CXCL13: variants seen among roughly 807,000 people sequenced by gnomAD.
CXCL13 encodes C-X-C motif chemokine 13.
In CXCL13, 7 loss-of-function variants were observed where a neutral mutation model predicts 12.2. The ratio of observed to expected loss-of-function variants is 0.57; its 90% confidence interval spans 0.33 to 1.07. CXCL13 has a LOEUF of 1.07. Among genes scored for constraint, CXCL13 ranks in the 50% least tolerant of loss-of-function variants. The pLI is 0.04. For missense variants in CXCL13, 113 were observed against 127.4 expected (o/e 0.89, Z 0.55); for synonymous variants, 47 against 42.4 (o/e 1.11, Z -0.42).
chr4:77,521,693 G>A (rs776522865), intron 1 of CXCL13, among the ~76,000 whole-genome samples: 1 of 151,472 alleles, frequency 6.6e-6, no homozygotes, highest in African/African-American at 2.4e-5. Flanking sequence ...TTTTTTGAAG[G>A]GTATTTTTGT....
intron 1 of CXCL13, among the ~76,000 whole-genome samples, chr4:77,551,303 A>C (rs537749251): frequency 1.3e-5 from 2 of 152,274 alleles, no homozygotes; most frequent in East Asian, 1.9e-4. Flanking sequence ...GCTCTCTTGA[A>C]GGTTGGTCTA....
rs150992985 is a variant in CXCL13, at chr4:77,563,404, T to C, written c.-42-42420T>C. On this transcript the variant is annotated intron_variant, in intron 1 of 4. Transcript: ENST00000286758. ...GCGAGATTAATGTCCAATGTACTAA[T>C]CTGGAAGCTGGCTTAATAATGCACC... Among the ~76,000 whole-genome samples the C allele has an allele frequency of 4.5e-3, 684 of 152,340 alleles. 19 individuals carry two copies. Among genetic ancestry groups the C allele is most frequent in the East Asian group, 0.027 (141 of 5,190 alleles).
intron 1 of CXCL13, among the ~76,000 whole-genome samples, chr4:77,565,189 T>C (rs930443153): frequency 6.6e-6 from 1 of 152,182 alleles, no homozygotes; most frequent in Admixed American, 6.5e-5. Context: ...GGATTATGGA[T>C]AAAAATTTGT....
chr4:77,561,784 G>A (rs1214049440), intron 1 of CXCL13, among the ~76,000 whole-genome samples: 14 of 152,194 alleles, frequency 9.2e-5, no homozygotes, highest in Non-Finnish European at 1.0e-4. Flanking sequence ...GCACACTCTG[G>A]CAGCACTTGA....
chr4:77,556,482 C>T (rs1483446309), intron 1 of CXCL13, among the ~76,000 whole-genome samples: 1 of 152,070 alleles, frequency 6.6e-6, no homozygotes, highest in Non-Finnish European at 1.5e-5. Flanking sequence ...CCTAAAAGAA[C>T]TTTTCAGGAT....
rs1182935231 is a variant in CXCL13, at chr4:77,578,523, G to T, written c.-42-27301G>T. Reference sequence around the variant, plus strand: ...GAATCTCTGAGCCACCTGTGCACTGGGAGAATGGGGTGGAGCCACGAGAAT... The same window carrying T: ...GAATCTCTGAGCCACCTGTGCACTGTGAGAATGGGGTGGAGCCACGAGAAT... On this transcript the variant is annotated intron_variant, in intron 1 of 4. Transcript: ENST00000286758. Among the ~76,000 whole-genome samples the T allele has an allele frequency of 3.3e-5, 5 of 152,316 alleles. No homozygotes were observed. In the East Asian group the frequency reaches 9.7e-4, roughly 29 times the overall value.
chr4:77,531,601 TG>T (rs1724919858), intron 1 of CXCL13, among the ~76,000 whole-genome samples: 1 of 152,120 alleles, frequency 6.6e-6, no homozygotes, highest in Admixed American at 6.5e-5. Flanking sequence ...TGGATATCCT[TG>T]TTAACTTTCT....
At chr4:77,530,336 G>A (rs1448633420) in intron 1 of CXCL13, among the ~76,000 whole-genome samples, 1 of 152,200 alleles carries the variant, frequency 6.6e-6, no homozygotes, top group South Asian at 2.1e-4. Context: ...GATTGGAATA[G>A]TTTCGGAAGG....
intron 1 of CXCL13, among the ~76,000 whole-genome samples, chr4:77,556,949 C>T (rs749432154): frequency 2.6e-5 from 4 of 151,898 alleles, no homozygotes; most frequent in South Asian, 2.1e-4. Context: ...CCCAGGAGTT[C>T]GAGGCTGCAG....
chr4:77,542,755 A>C (rs370501540), intron 1 of CXCL13, among the ~76,000 whole-genome samples: 1 of 152,156 alleles, frequency 6.6e-6, no homozygotes, highest in Non-Finnish European at 1.5e-5. Context: ...GTGCTACTGG[A>C]TTCAGTTTGC....
intron 1 of CXCL13, among the ~76,000 whole-genome samples, chr4:77,568,379 A>C (rs1725986063): frequency 6.6e-6 from 1 of 152,216 alleles, no homozygotes; most frequent in Non-Finnish European, 1.5e-5. Context: ...TGTTCTTTAT[A>C]ACCCCCTTTG....
At chr4:77,521,960 G>C (rs922791900) in intron 1 of CXCL13, among the ~76,000 whole-genome samples, 1 of 152,006 alleles carries the variant, frequency 6.6e-6, no homozygotes, top group Non-Finnish European at 1.5e-5. Context: ...CCTTCATTTT[G>C]TTATTTACCC....
intron 1 of CXCL13, among the ~76,000 whole-genome samples, chr4:77,535,538 A>G (rs1725039214): frequency 6.6e-6 from 1 of 152,208 alleles, no homozygotes; most frequent in South Asian, 2.1e-4. Flanking sequence ...ATCTGAGCAG[A>G]GCTAATAGCA....
chr4:77,519,806 T>A (rs1724529672), intron 1 of CXCL13, among the ~76,000 whole-genome samples: 1 of 152,216 alleles, frequency 6.6e-6, no homozygotes, highest in East Asian at 1.9e-4. Context: ...ATGTCCTGAA[T>A]GGTATTGCCT....
intron 1 of CXCL13, among the ~76,000 whole-genome samples, chr4:77,548,024 TG>T (rs954990084): frequency 6.6e-6 from 1 of 152,166 alleles, no homozygotes; most frequent in African/African-American, 2.4e-5. Flanking sequence ...AATTCTGGGT[TG>T]AAAAAAAATT....
At chr4:77,572,905 T>TA (rs1225533634) in intron 1 of CXCL13, among the ~76,000 whole-genome samples, 4 of 150,942 alleles carry the variant, frequency 2.7e-5, no homozygotes, top group Non-Finnish European at 5.9e-5. Context: ...TATGCAGCCA[T>TA]AAAAAAGAAT....
chr4:77,561,022 G>A (rs1578054278), intron 1 of CXCL13, among the ~76,000 whole-genome samples: 1 of 152,170 alleles, frequency 6.6e-6, no homozygotes, highest in Non-Finnish European at 1.5e-5. Flanking sequence ...ATTAACACAA[G>A]CTGGTTATGT....
chr4:77,584,588 G>C (rs1301153876), intron 1 of CXCL13, among the ~76,000 whole-genome samples: 1 of 152,170 alleles, frequency 6.6e-6, no homozygotes, highest in Non-Finnish European at 1.5e-5. Flanking sequence ...TAACAGTTTG[G>C]AGACACTGGA....
chr4:77,591,516 A>G (rs147643242), intron 1 of CXCL13, among the ~76,000 whole-genome samples: 153 of 141,846 alleles, frequency 1.1e-3, no homozygotes, highest in African/African-American at 4.1e-3. Context: ...ACGCCACTGC[A>G]CTCCAGTCTG....
Sources: gnomAD v4.1 joint callset for allele counts (sites outside exome capture counted in the v4.1 genomes callset) on GRCh38, gnomAD v4.1.1 for gene constraint, MANE v1.5 for transcripts, NCBI Gene and HGNC (gene_info 2026-07-23, HGNC 2026-07-21) for gene names.